ANK2: variants seen among roughly 807,000 people sequenced by gnomAD.
ANK2 encodes the protein ankyrin-2.
Under a neutral mutation model 360.5 loss-of-function variants are expected in ANK2, and 83 were observed. The ratio of observed to expected loss-of-function variants is 0.23; its 90% CI spans 0.19 to 0.28. The LOEUF (loss-of-function observed/expected upper bound fraction) is 0.28, where lower values mean the gene tolerates loss of function less well. Ranked by LOEUF, ANK2 falls within the 10% of genes least tolerant of loss-of-function variation. The pLI is 1.00. For missense variants in ANK2, 4,201 were observed against 4,795.7 expected, an observed-to-expected ratio of 0.88 and a Z score of 3.66; for synonymous variants, 1,740 against 1,759.5, an observed-to-expected ratio of 0.99 and a Z score of 0.28.
intron 1 of ANK2, chr4:112,880,779 G>A (rs1009350088): frequency 6.6e-6 from 1 of 152,102 alleles, no homozygotes; most frequent in African/African-American, 2.4e-5. Context: ...CCAGGGGTTG[G>A]TAACTTCCTT....
At chr4:113,015,064 T>A (rs1329390231) in intron 2 of ANK2, among the ~76,000 whole-genome samples, 1 of 151,720 alleles carries the variant, frequency 6.6e-6, no homozygotes, top group Non-Finnish European at 1.5e-5. Flanking sequence ...TTCACTGTGT[T>A]AGCCAGGATG....
intron 26 of ANK2, among the ~76,000 whole-genome samples, chr4:113,327,406 A>C (rs899583366): frequency 7.2e-5 from 11 of 152,184 alleles, no homozygotes; most frequent in Admixed American, 7.2e-4. Flanking sequence ...CCTACATCTG[A>C]ATATAGTGAT....
intron 1 of ANK2, among the ~76,000 whole-genome samples, chr4:112,898,016 T>C (rs1203576288): frequency 6.6e-6 from 1 of 152,152 alleles, no homozygotes; most frequent in East Asian, 1.9e-4. Context: ...AGAAAATATT[T>C]TGACATTTTA....
intron 2 of ANK2, among the ~76,000 whole-genome samples, chr4:113,012,814 A>G (rs1306671495): frequency 6.6e-6 from 1 of 152,134 alleles, no homozygotes; most frequent in Non-Finnish European, 1.5e-5. Flanking sequence ...TTGAATATAC[A>G]TATCACATAT....
At chr4:113,279,705 T>C (rs11098190) in intron 17 of ANK2, among the ~76,000 whole-genome samples, 73,508 of 148,002 alleles carry the variant, frequency 0.5, 19,061 homozygotes, top group South Asian at 0.61. Flanking sequence ...TATAAATATA[T>C]TATATATATC....
intron 2 of ANK2, among the ~76,000 whole-genome samples, chr4:113,009,159 A>C (rs2053918447): frequency 6.6e-6 from 1 of 152,108 alleles, no homozygotes; most frequent in South Asian, 2.1e-4. Context: ...TTGTTTTTTG[A>C]GCTGCTTGTT....
At chr4:113,319,839 A>G (rs2085049662) in intron 26 of ANK2, among the ~76,000 whole-genome samples, 1 of 152,216 alleles carries the variant, frequency 6.6e-6, no homozygotes, top group Non-Finnish European at 1.5e-5. Context: ...CATTCTGCTA[A>G]TGAACTTCTT....
chr4:112,769,570 C>T, the ANK2 span, among the ~76,000 whole-genome samples: 1 of 152,124 alleles, frequency 6.6e-6, no homozygotes. Context: ...CATCAGTGCC[C>T]ATCAATGCTG....
At chr4:112,863,673 C>T (rs1472763740) in intron 1 of ANK2, among the ~76,000 whole-genome samples, 1 of 151,874 alleles carries the variant, frequency 6.6e-6, no homozygotes, top group African/African-American at 2.4e-5. Flanking sequence ...CAGGCGCCAG[C>T]CACCACGCCC....
the ANK2 span, chr4:112,788,381 A>G: frequency 1.3e-6 from 2 of 1,572,288 alleles, no homozygotes; most frequent in Non-Finnish European, 1.7e-6. Flanking sequence ...AGGCAAGAAG[A>G]CAGCCAGCTC....
At chr4:113,232,055 C>T in intron 4 of ANK2, 106 bp from the exon 5 acceptor site, 2 of 785,064 alleles carry the variant, frequency 2.5e-6, no homozygotes, top group Admixed American at 1.9e-5. Flanking sequence ...ATAATTTATT[C>T]AGTATGAAAG....
At chr4:112,899,914 G>T (rs1252414679) in intron 1 of ANK2, among the ~76,000 whole-genome samples, 7 of 152,086 alleles carry the variant, frequency 4.6e-5, no homozygotes, top group Admixed American at 2.0e-4. Context: ...CTGAATGAAT[G>T]AATGAATGAA....
chr4:112,819,729 A>G (rs986015804), intron 1 of ANK2, among the ~76,000 whole-genome samples: 1 of 152,152 alleles, frequency 6.6e-6, no homozygotes, highest in Non-Finnish European at 1.5e-5. Context: ...AAATGAAGAC[A>G]TAGAGAAATG....
intron 1 of ANK2, among the ~76,000 whole-genome samples, chr4:112,870,171 G>A (rs1053890383): frequency 6.6e-5 from 10 of 151,512 alleles, no homozygotes; most frequent in African/African-American, 2.2e-4. Context: ...GCTAATTTTT[G>A]TATTTAGAGA....
chr4:112,853,589 T>C (rs1008161048), intron 1 of ANK2, among the ~76,000 whole-genome samples: 5 of 152,226 alleles, frequency 3.3e-5, no homozygotes, highest in Non-Finnish European at 1.5e-5. Context: ...TAAAAAAAGA[T>C]CTTGTCTTAC....
intron 22 of ANK2, among the ~76,000 whole-genome samples, chr4:113,301,508 G>A (rs1425417584): frequency 6.6e-6 from 1 of 151,718 alleles, no homozygotes; most frequent in Non-Finnish European, 1.5e-5. Flanking sequence ...TCTACTCTCA[G>A]CAATTTTCAA....
At chr4:113,196,316 C>A (rs2285710) in intron 2 of ANK2, 52 bp from the exon 3 acceptor site, 1 of 1,415,792 alleles carries the variant, frequency 7.1e-7, no homozygotes, top group Admixed American at 1.8e-5. Flanking sequence ...GATCAGGGCA[C>A]TATTTTCCTC....
At chr4:112,931,707 A>G (rs372058351) in intron 2 of ANK2, among the ~76,000 whole-genome samples, 2 of 152,166 alleles carry the variant, frequency 1.3e-5, no homozygotes, top group African/African-American at 4.8e-5. Context: ...TGCCCACTTG[A>G]AGTAACTGTA....
chr4:113,247,140 G>A (rs62313214), intron 9 of ANK2, among the ~76,000 whole-genome samples: 3,461 of 149,988 alleles, frequency 0.023, 53 homozygotes, highest in Non-Finnish European at 0.031. Context: ...TAGTACATCC[G>A]TGTGATGAAC....
Sources: allele counts gnomAD v4.1 joint callset (sites outside exome capture counted in the v4.1 genomes callset), GRCh38; gene constraint gnomAD v4.1.1; transcripts MANE v1.5; gene names NCBI Gene and HGNC (gene_info 2026-07-23, HGNC 2026-07-21).